ASIC2: variants seen among roughly 807,000 people sequenced by gnomAD.
The protein encoded by ASIC2 is acid sensing ion channel subunit 2, also known as acid-sensing ion channel 2.
A neutral mutation model predicts 57.3 loss-of-function variants in ASIC2; 25 were observed. That is an observed-to-expected ratio of 0.44 (90% CI 0.32 to 0.61). ASIC2 has a LOEUF of 0.61. Among genes scored for constraint, ASIC2 ranks in the 20% least tolerant of loss-of-function variants. The pLI, the probability that ASIC2 is intolerant of heterozygous loss-of-function variation, is 0.06. For missense variants in ASIC2, 641 were observed against 738.1 expected (o/e 0.87, Z 1.52); for synonymous variants, 319 against 307.5 (o/e 1.04, Z -0.39).
intron 1 of ASIC2, among the ~76,000 whole-genome samples, chr17:33,325,862 A>C (rs1040986129): frequency 6.6e-6 from 1 of 152,132 alleles, no homozygotes; most frequent in South Asian, 2.1e-4. Context: ...GGAATGGATG[A>C]TTATGACTGC....
intron 1 of ASIC2, among the ~76,000 whole-genome samples, chr17:33,457,238 T>C (rs1453309152): frequency 3.6e-5 from 5 of 140,192 alleles, no homozygotes; most frequent in Non-Finnish European, 7.7e-5. Context: ...TTAGCCTTTT[T>C]TGTTTTTCTT....
At chr17:33,428,441 A>G (rs1008533170) in intron 1 of ASIC2, among the ~76,000 whole-genome samples, 1 of 152,194 alleles carries the variant, frequency 6.6e-6, no homozygotes, top group African/African-American at 2.4e-5. Context: ...CTCAATTTCC[A>G]GGGCTAAAAC....
intron 1 of ASIC2, among the ~76,000 whole-genome samples, chr17:33,134,532 T>A: frequency 6.6e-6 from 1 of 152,268 alleles, no homozygotes; most frequent in Non-Finnish European, 1.5e-5. Flanking sequence ...GGATTTAAAG[T>A]TCCTCAGAGC....
At chr17:34,008,845 G>A (rs1035689690) in intron 1 of ASIC2, among the ~76,000 whole-genome samples, 2 of 152,214 alleles carry the variant, frequency 1.3e-5, no homozygotes, top group African/African-American at 4.8e-5. Flanking sequence ...CAGAGAACAT[G>A]TGCATTTGTT....
chr17:33,292,054 C>A lies in ASIC2; in HGVS notation c.62G>T (p.Arg21Leu). 3 of 1,118,354 alleles carry A rather than the reference C, an allele frequency of 2.7e-6. No individual in the cohort carries two copies. Among genetic ancestry groups the A allele is most frequent in the South Asian group, 4.2e-5 (1 of 23,602 alleles). 69.3% of individuals were successfully genotyped at this position (1,118,354 alleles called of 1,614,324 possible). Residue 21 changes from arginine to leucine, a missense_variant, in exon 1 of 10, where the codon CGC becomes CTC. Physicochemically the swap from Arg to Leu is moderately radical, Grantham distance 102 (BLOSUM62 -2). Around this residue, in one of 3 missense-constraint regions of ASIC2, gnomAD observed 382 missense variants for 398.0 expected, o/e 0.96. Coordinates refer to ENST00000225823, the MANE Select transcript of ASIC2 (RefSeq NM_183377.2). Reference protein sequence around the residue: ...AAALTGPGRFRMAREEPAPAA... With the variant: ...AAALTGPGRFLMAREEPAPAA... Reference sequence around the variant, plus strand: ...GGGCGCCGGCTCCTCGCGGGCCATGCGGAAGCGTCCCGGGCCGGTGAGCGC... The same window carrying A: ...GGGCGCCGGCTCCTCGCGGGCCATGAGGAAGCGTCCCGGGCCGGTGAGCGC...
intron 1 of ASIC2, among the ~76,000 whole-genome samples, chr17:34,131,151 T>C (rs11653786): frequency 1.3e-5 from 2 of 151,714 alleles, no homozygotes; most frequent in Non-Finnish European, 2.9e-5. Context: ...TACGGCAGAG[T>C]TAGGCTTTGC....
intron 1 of ASIC2, among the ~76,000 whole-genome samples, chr17:33,812,328 G>C (rs1050356635): frequency 1.3e-5 from 2 of 152,238 alleles, no homozygotes; most frequent in East Asian, 1.9e-4. Context: ...GAAGGAAAAG[G>C]CTCTTAGCAT....
intron 1 of ASIC2, among the ~76,000 whole-genome samples, chr17:33,597,579 A>G (rs1307812305): frequency 6.6e-6 from 1 of 152,214 alleles, no homozygotes; most frequent in Non-Finnish European, 1.5e-5. Context: ...CAAAACAGAA[A>G]GTTCTATATA....
chr17:33,693,028 T>C (rs577374726), intron 1 of ASIC2, among the ~76,000 whole-genome samples: 3 of 152,342 alleles, frequency 2.0e-5, no homozygotes, highest in African/African-American at 7.2e-5. Context: ...GAGGTTATTA[T>C]TTTCTGGAGG....
intron 1 of ASIC2, among the ~76,000 whole-genome samples, chr17:33,790,858 T>G (rs1056763718): frequency 6.6e-6 from 1 of 152,214 alleles, no homozygotes; most frequent in African/African-American, 2.4e-5. Context: ...CCAGACATGA[T>G]GCTTAACACT....
At chr17:33,591,243 C>G (rs762290043) in intron 1 of ASIC2, among the ~76,000 whole-genome samples, 3 of 152,176 alleles carry the variant, frequency 2.0e-5, no homozygotes, top group Non-Finnish European at 4.4e-5. Context: ...AACTGTCTGA[C>G]ATGGTATATG....
At chr17:34,127,597 G>C (rs925520536) in intron 1 of ASIC2, among the ~76,000 whole-genome samples, 5 of 152,162 alleles carry the variant, frequency 3.3e-5, no homozygotes, top group African/African-American at 1.2e-4. Context: ...GGAAGGCATG[G>C]AGTGCAGGGA....
intron 1 of ASIC2, among the ~76,000 whole-genome samples, chr17:33,464,436 A>C (rs1356633247): frequency 6.6e-6 from 1 of 150,964 alleles, no homozygotes; most frequent in Non-Finnish European, 1.5e-5. Flanking sequence ...CTTCTACATC[A>C]TTCTACACAT....
intron 1 of ASIC2, among the ~76,000 whole-genome samples, chr17:33,870,316 A>G (rs1914368570): frequency 1.1e-5 from 1 of 92,394 alleles, no homozygotes; most frequent in African/African-American, 3.3e-5. Flanking sequence ...GGGAGAGAGA[A>G]AGAACGAACA....
chr17:34,118,112 G>A (rs1218380767), intron 1 of ASIC2, among the ~76,000 whole-genome samples: 1 of 152,132 alleles, frequency 6.6e-6, no homozygotes, highest in Non-Finnish European at 1.5e-5. Context: ...CTTAACCTCT[G>A]GATCAGGCAG....
At chr17:33,922,610 G>GT (rs1175932265) in intron 1 of ASIC2, among the ~76,000 whole-genome samples, 1 of 152,178 alleles carries the variant, frequency 6.6e-6, no homozygotes. Context: ...TGTGAACTAT[G>GT]TATCAGGCTC....
intron 1 of ASIC2, among the ~76,000 whole-genome samples, chr17:33,838,403 T>C (rs554546174): frequency 6.6e-6 from 1 of 152,170 alleles, no homozygotes; most frequent in Non-Finnish European, 1.5e-5. Flanking sequence ...ACCCAGATCA[T>C]GTTCTTTACC....
At chr17:33,869,645 C>T (rs938888876) in intron 1 of ASIC2, among the ~76,000 whole-genome samples, 14 of 152,144 alleles carry the variant, frequency 9.2e-5, no homozygotes, top group African/African-American at 3.4e-4. Context: ...TTAGAAAAGA[C>T]CACATATGTT....
intron 1 of ASIC2, among the ~76,000 whole-genome samples, chr17:33,306,049 G>A (rs1734039585): frequency 1.3e-5 from 2 of 152,274 alleles, no homozygotes; most frequent in East Asian, 1.9e-4. Context: ...GAATTTCATG[G>A]CATTTAAATG....
Sources: gnomAD v4.1 joint callset for allele counts (sites outside exome capture counted in the v4.1 genomes callset) on GRCh38, gnomAD v4.1.1 for gene constraint, gnomAD v4.1.1 regional missense constraint, MANE v1.5 for transcripts, NCBI Gene and HGNC (gene_info 2026-07-23, HGNC 2026-07-21) for gene names.